Variants in SLC44A1 observed in about 807,000 individuals in gnomAD.
SLC44A1 encodes the protein solute carrier family 44 member 1, also known as choline transporter-like protein 1.
SLC44A1 carries 26 observed loss-of-function variants against 79.3 expected under a neutral mutation model. That is an observed-to-expected ratio of 0.33 (90% CI 0.24 to 0.46). The LOEUF is 0.46. Ranked by LOEUF, SLC44A1 falls within the 20% of genes least tolerant of loss-of-function variation. The pLI, the probability that SLC44A1 is intolerant of heterozygous loss-of-function variation, is 1.00. For missense variants in SLC44A1, 688 were observed against 798.1 expected (o/e 0.86, Z 1.66); for synonymous variants, 263 against 286.2 (o/e 0.92, Z 0.82).
intron 15 of SLC44A1, among the ~76,000 whole-genome samples, chr9:105,410,852 G>A (rs919832050): frequency 9.2e-5 from 14 of 152,142 alleles, no homozygotes; most frequent in African/African-American, 2.4e-5. Flanking sequence ...CTACTCAGCT[G>A]TAAAAAGAAA....
Position 105,352,557 on chromosome 9 carries a change from C to G in SLC44A1, c.501-3655C>G, listed in dbSNP as rs571908615. ...TCAGCAAGTAAAACAGCATCACTTCCTAATGTGACTACATCGACTTATTAA... is the reference window on the plus strand; with the variant it reads ...TCAGCAAGTAAAACAGCATCACTTCGTAATGTGACTACATCGACTTATTAA... On this transcript the variant is annotated intron_variant, in intron 5 of 15. Transcript: ENST00000374720. 1.2e-4 allele frequency among the ~76,000 whole-genome samples: 18 copies of G among 152,232 alleles called. No individual in the cohort carries two copies. In the South Asian group the frequency reaches 1.5e-3, roughly 12 times the overall value.
intron 4 of SLC44A1, 46 bp from the exon 5 acceptor site, chr9:105,348,312 T>C (rs1307407389): frequency 1.9e-6 from 2 of 1,033,864 alleles, no homozygotes; most frequent in Non-Finnish European, 3.0e-6. Context: ...AGTAAGAGAA[T>C]TTTTTCAGAC....
At chr9:105,277,009 A>G (rs1830221483) in intron 1 of SLC44A1, among the ~76,000 whole-genome samples, 1 of 152,194 alleles carries the variant, frequency 6.6e-6, no homozygotes, top group Non-Finnish European at 1.5e-5. Context: ...CTATTGCAGT[A>G]ATAGAGGTGA....
In SLC44A1 at chr9:105,395,923, A is replaced by G; in HGVS notation, c.*6867A>G. The G allele has an allele frequency of 1.0e-6, 1 of 971,258 alleles. No homozygotes were observed. Among genetic ancestry groups the G allele is most frequent in the Non-Finnish European group, 1.2e-6 (1 of 824,710 alleles). The allele number at this position is 971,258 out of a possible 1,614,324, so 60.2% of individuals were successfully genotyped here. ...CTTTTTTTTTTTTTTTGTAAATTGTATTAGATACCCCACAGGAATGTGACA... is the reference window on the plus strand; with the variant it reads ...CTTTTTTTTTTTTTTTGTAAATTGTGTTAGATACCCCACAGGAATGTGACA... On this transcript the variant is annotated 3_prime_UTR_variant, in exon 16 of 16. Coordinates refer to ENST00000374720, the MANE Select transcript of SLC44A1 (RefSeq NM_080546.5).
chr9:105,420,811 A>G (rs1017414352), intron 15 of SLC44A1, among the ~76,000 whole-genome samples: 3 of 142,816 alleles, frequency 2.1e-5, no homozygotes, highest in African/African-American at 5.2e-5. Flanking sequence ...CAGTGAGCTG[A>G]GATCGCACCA....
chr9:105,437,360 T>A (rs1829476910), intron 15 of SLC44A1, among the ~76,000 whole-genome samples: 1 of 152,082 alleles, frequency 6.6e-6, no homozygotes, highest in Admixed American at 6.5e-5. Flanking sequence ...TAGATATAGA[T>A]GTCTATAGAT....
chr9:105,396,383 G>A lies in SLC44A1; in HGVS notation c.*7327G>A. The stretch of plus-strand genomic sequence containing the variant: ...TGAAGGGCATCAAGCAAAATGACAG[G>A]GGCTTCAAAAAACAACCAAAGACAA... On this transcript the variant is annotated 3_prime_UTR_variant, in exon 16 of 16. Transcript: ENST00000374720. 2 of 985,346 alleles carry A rather than the reference G, an allele frequency of 2.0e-6. No individual in the cohort carries two copies. Among genetic ancestry groups the A allele is most frequent in the Non-Finnish European group, 2.4e-6 (2 of 829,926 alleles). The allele number at this position is 985,346 out of a possible 1,614,324, so 61.0% of individuals were successfully genotyped here. A position where few individuals can be genotyped will look rare whatever the true frequency, so the allele number is the denominator to read the frequency against.
intron 15 of SLC44A1, chr9:105,386,146 T>TA (rs1418909262): frequency 1.0e-6 from 1 of 978,154 alleles, no homozygotes; most frequent in Non-Finnish European, 1.2e-6. Context: ...TGGTAGTTGA[T>TA]ATTATATATG....
rs1355540435 is a variant in SLC44A1, at chr9:105,394,799, G to A, written c.*5743G>A. 6.2e-5 allele frequency: 61 copies of A among 985,274 alleles called. No homozygotes were observed. Among genetic ancestry groups the A allele is most frequent in the Non-Finnish European group, 7.2e-5 (60 of 829,928 alleles). 61.0% of individuals were successfully genotyped at this position (985,274 alleles called of 1,614,324 possible). On this transcript the variant is annotated 3_prime_UTR_variant, in exon 16 of 16. Transcript: ENST00000374720. ...TGCTGAAGGTAGAAATGCAAAAGAT[G>A]TTTTTTCTTCCTGCATAAATCACGG...
At chr9:105,286,170 C>T (rs908760577) in intron 1 of SLC44A1, among the ~76,000 whole-genome samples, 5 of 152,180 alleles carry the variant, frequency 3.3e-5, no homozygotes, top group South Asian at 2.1e-4. Flanking sequence ...GCAATTCTTA[C>T]GCCTCTCATT....
chr9:105,367,948 A>G (rs934588461), intron 12 of SLC44A1, among the ~76,000 whole-genome samples: 2 of 152,196 alleles, frequency 1.3e-5, no homozygotes, highest in African/African-American at 2.4e-5. Context: ...CCAGTATACA[A>G]TAGGTGGTCC....
At chr9:105,322,932 A>G (rs1253875848) in intron 3 of SLC44A1, among the ~76,000 whole-genome samples, 1 of 152,002 alleles carries the variant, frequency 6.6e-6, no homozygotes, top group Non-Finnish European at 1.5e-5. Flanking sequence ...CAATAAAGAA[A>G]TTAAATAAGG....
chr9:105,292,834 G>A (rs903232091), intron 1 of SLC44A1, among the ~76,000 whole-genome samples: 2 of 152,138 alleles, frequency 1.3e-5, no homozygotes, highest in Admixed American at 1.3e-4. Context: ...CAAGTATTTT[G>A]TGTGGTGCCC....
chr9:105,360,267 G>A (rs1015662657), intron 7 of SLC44A1, among the ~76,000 whole-genome samples: 1 of 151,896 alleles, frequency 6.6e-6, no homozygotes, highest in Middle Eastern at 3.4e-3. Flanking sequence ...TAATACCAGT[G>A]AGGCCTTGCT....
intron 15 of SLC44A1, chr9:105,386,420 A>G (rs148373932): frequency 1.0e-6 from 1 of 983,312 alleles, no homozygotes; most frequent in East Asian, 1.1e-4. Flanking sequence ...ATAATGTTCA[A>G]AAGTGTGAGG....
In SLC44A1 at chr9:105,393,815, T is replaced by A. The variant is rs901830738; in HGVS notation, c.*4759T>A. ...CTATTAGGCTATTCTTCAGTTTTGA[T>A]GCTCAGTTTTACAACTTAAATGATT... On this transcript the variant is annotated 3_prime_UTR_variant, in exon 16 of 16. Coordinates refer to ENST00000374720, the MANE Select transcript of SLC44A1 (RefSeq NM_080546.5). 2 of 985,072 alleles carry A rather than the reference T, an allele frequency of 2.0e-6. No homozygotes were observed. Among genetic ancestry groups the A allele is most frequent in the African/African-American group, 3.5e-5 (2 of 57,240 alleles). The allele number at this position is 985,072 out of a possible 1,614,324, so 61.0% of individuals were successfully genotyped here.
intron 1 of SLC44A1, among the ~76,000 whole-genome samples, chr9:105,253,845 C>A (rs1829642901): frequency 1.3e-5 from 2 of 152,126 alleles, no homozygotes; most frequent in Admixed American, 6.5e-5. Flanking sequence ...CTGCCTCAGC[C>A]TCCAAGTAGC....
intron 1 of SLC44A1, among the ~76,000 whole-genome samples, chr9:105,298,853 A>C (rs2131287501): frequency 6.6e-6 from 1 of 152,290 alleles, no homozygotes; most frequent in South Asian, 2.1e-4. Flanking sequence ...CTCAGGCATC[A>C]TGTTAGATGC....
Position 105,346,739 on chromosome 9 carries a change from C to T in SLC44A1, c.407-1619C>T, listed in dbSNP as rs1180850053. On this transcript the variant is annotated intron_variant, in intron 4 of 15. Coordinates refer to ENST00000374720, the MANE Select transcript of SLC44A1 (RefSeq NM_080546.5). ...AAGAGTTAAATATTTAATATTCATGCTTAGCTTTTTAAAAAATAGATCATT... is the reference window on the plus strand; with the variant it reads ...AAGAGTTAAATATTTAATATTCATGTTTAGCTTTTTAAAAAATAGATCATT... Among the ~76,000 whole-genome samples the T allele has an allele frequency of 2.6e-5, 4 of 152,054 alleles. 1 individual carries two copies. In the South Asian group the frequency reaches 8.3e-4, roughly 32 times the overall value.
Sources: gnomAD v4.1 joint callset for allele counts (sites outside exome capture counted in the v4.1 genomes callset) on GRCh38, gnomAD v4.1.1 for gene constraint, MANE v1.5 for transcripts, NCBI Gene and HGNC (gene_info 2026-07-23, HGNC 2026-07-21) for gene names.